Variants in EXOC1 observed in about 807,000 individuals in gnomAD.
EXOC1 encodes the protein exocyst complex component 1.
A neutral mutation model predicts 107.7 loss-of-function variants in EXOC1; 67 were observed. The observed-to-expected ratio is 0.62, with a 90% confidence interval of 0.51 to 0.76. The LOEUF (loss-of-function observed/expected upper bound fraction) is 0.76, where lower values mean the gene tolerates loss of function less well. Among genes scored for constraint, EXOC1 ranks in the 30% least tolerant of loss-of-function variants. The probability of loss-of-function intolerance (pLI) is 0.00; values close to 1 mark genes in which losing one functional copy is unlikely to be tolerated. For missense variants in EXOC1, 833 were observed against 1,055.7 expected, an observed-to-expected ratio of 0.79 and a Z score of 2.92; for synonymous variants, 348 against 353.5, an observed-to-expected ratio of 0.98 and a Z score of 0.17.
At chr4:55,888,779 C>A in intron 10 of EXOC1, 109 bp from the exon 11 acceptor site, 2 of 1,058,456 alleles carry the variant, frequency 1.9e-6, no homozygotes, top group Non-Finnish European at 2.9e-6. Flanking sequence ...TGGTTCTTTG[C>A]ATGTGTCTTT....
At chr4:55,862,592 G>C (rs1307184856) in intron 3 of EXOC1, among the ~76,000 whole-genome samples, 2 of 151,946 alleles carry the variant, frequency 1.3e-5, no homozygotes, top group Non-Finnish European at 1.5e-5. Context: ...TGTATATGCA[G>C]GTTTTAAATT....
At chr4:55,884,899 A>T (rs989733764) in intron 10 of EXOC1, among the ~76,000 whole-genome samples, 1 of 152,144 alleles carries the variant, frequency 6.6e-6, no homozygotes, top group African/African-American at 2.4e-5. Context: ...CACTGTTTTT[A>T]AAAAAATGCA....
Position 55,895,915 on chromosome 4 carries a change from A to G in EXOC1, c.1954-802A>G, listed in dbSNP as rs187958628. ...CTGAAAATAGAGAGTTTGTCTATCCAGACAGAAATTTTAGACTGACGAAAA... is the reference window on the plus strand; with the variant it reads ...CTGAAAATAGAGAGTTTGTCTATCCGGACAGAAATTTTAGACTGACGAAAA... On this transcript the variant is annotated intron_variant, in intron 15 of 18. Transcript: ENST00000381295. Among the ~76,000 whole-genome samples, 8 of 152,304 alleles carry G rather than the reference A, an allele frequency of 5.3e-5. No individual in the cohort carries two copies. In the East Asian group the frequency reaches 1.5e-3, roughly 29 times the overall value.
At chr4:55,879,026 A>T (rs965007078) in intron 9 of EXOC1, among the ~76,000 whole-genome samples, 1 of 152,238 alleles carries the variant, frequency 6.6e-6, no homozygotes, top group Non-Finnish European at 1.5e-5. Context: ...GAACAGGTTG[A>T]TGCCAAACTT....
At chr4:55,864,156 A>G (rs989870361) in intron 3 of EXOC1, 71 bp from the exon 4 acceptor site, 8 of 997,366 alleles carry the variant, frequency 8.0e-6, no homozygotes, top group Non-Finnish European at 1.2e-5. Flanking sequence ...GTAAATGCCT[A>G]TGCAGATTTT....
intron 14 of EXOC1, among the ~76,000 whole-genome samples, chr4:55,893,100 C>T (rs941726460): frequency 2.0e-5 from 3 of 152,028 alleles, no homozygotes; most frequent in Non-Finnish European, 2.9e-5. Flanking sequence ...CATATTTAGA[C>T]ATTTTTATTT....
Position 55,886,552 on chromosome 4 carries a change from C to CAAAAAACAAAAAAACA in EXOC1, c.1331-2321_1331-2306dup, listed in dbSNP as rs774957758. 4.2e-5 allele frequency among the ~76,000 whole-genome samples: 5 copies of CAAAAAACAAAAAAACA among 117,816 alleles called. No homozygotes were observed. The East Asian group carries it at 1.1e-3, about 27-fold the overall frequency. 77.3% of individuals were successfully genotyped at this position (117,816 alleles called of 152,430 possible). Reference sequence around the variant, plus strand: ...TGGACAACAGAGCAAGACCCTGTCTCAAAAAACAAAAAAACAAAAAAACAA... The same window carrying CAAAAAACAAAAAAACA: ...TGGACAACAGAGCAAGACCCTGTCTCAAAAAACAAAAAAACAAAAAAACAAAAAAACAAAAAAACAA... On this transcript the variant is annotated intron_variant, in intron 10 of 18. Transcript: ENST00000381295.
At chr4:55,884,486 G>C (rs956497452) in intron 10 of EXOC1, among the ~76,000 whole-genome samples, 8 of 152,184 alleles carry the variant, frequency 5.3e-5, no homozygotes, top group African/African-American at 1.9e-4. Flanking sequence ...TTTTTCTAAA[G>C]AGATGCTTTG....
chr4:55,883,855 AAG>A lies in EXOC1; in HGVS notation c.1261_1262del (p.Glu421AsnfsTer6). 6.2e-7 allele frequency: 1 copy of A among 1,603,680 alleles called. No individual in the cohort carries two copies. Among genetic ancestry groups the A allele is most frequent in the Non-Finnish European group, 8.5e-7 (1 of 1,175,998 alleles). On this transcript the variant is annotated frameshift_variant, in exon 10 of 19. Coordinates refer to ENST00000381295, the MANE Select transcript of EXOC1 (RefSeq NM_001024924.2). LOFTEE classifies it high-confidence loss of function. Reference protein sequence around the residue: ...YMDYLSRLYEREIKDFFEVAK... With the variant: ...YMDYLSRLYEXEIKDFFEVAK... ...TGGATTATTTATCCCGACTATATGA[AAG>A]AGAAATCAAAGATTTCTTTGAAGTT...
chr4:55,866,204 G>A (rs1721944568), intron 4 of EXOC1, among the ~76,000 whole-genome samples: 1 of 152,160 alleles, frequency 6.6e-6, no homozygotes, highest in Non-Finnish European at 1.5e-5. Context: ...TGGCAACTTG[G>A]TAGTTTTTAT....
intron 18 of EXOC1, among the ~76,000 whole-genome samples, chr4:55,904,134 G>A (rs943622716): frequency 4.6e-5 from 7 of 151,446 alleles, no homozygotes; most frequent in African/African-American, 1.5e-4. Flanking sequence ...TTGGTTTATA[G>A]ATGAGGAACT....
intron 18 of EXOC1, 87 bp downstream of exon 18, chr4:55,902,625 C>G (rs1577799373): frequency 1.8e-6 from 2 of 1,099,872 alleles, no homozygotes; most frequent in East Asian, 6.1e-5. Flanking sequence ...TGCTACAGAT[C>G]TAGAGCAGGA....
rs199658461 is a variant in EXOC1, at chr4:55,886,567, CAAAAAAA to C, written c.1331-2320_1331-2314del. ...GACCCTGTCTCAAAAAACAAAAAAA[CAAAAAAA>C]CAAAAAAAAAAAAAACAAGAAATGT... On this transcript the variant is annotated intron_variant, in intron 10 of 18. Transcript: ENST00000381295. 1.7e-4 allele frequency among the ~76,000 whole-genome samples: 20 copies of C among 119,730 alleles called. No individual in the cohort carries two copies. In the East Asian group the frequency reaches 2.8e-3, roughly 17 times the overall value. 78.5% of individuals were successfully genotyped at this position (119,730 alleles called of 152,430 possible). A position where few individuals can be genotyped will look rare whatever the true frequency, so the allele number is the denominator to read the frequency against.
chr4:55,895,567 G>T lies in EXOC1; in HGVS notation c.1954-1150G>T, dbSNP rs1468592430. Reference sequence around the variant, plus strand: ...AGAGATAATTATTTTTCTAATCCATGTGTCATATGGTTTTTGAGTTATACT... The same window carrying T: ...AGAGATAATTATTTTTCTAATCCATTTGTCATATGGTTTTTGAGTTATACT... On this transcript the variant is annotated intron_variant, in intron 15 of 18. Transcript: ENST00000381295. Among the ~76,000 whole-genome samples, 4 of 152,138 alleles carry T rather than the reference G, an allele frequency of 2.6e-5. No homozygotes were observed. The East Asian group carries it at 7.7e-4, about 29-fold the overall frequency.
At chr4:55,886,671 T>C (rs1031017305) in intron 10 of EXOC1, among the ~76,000 whole-genome samples, 5 of 152,186 alleles carry the variant, frequency 3.3e-5, no homozygotes, top group Non-Finnish European at 1.5e-5. Flanking sequence ...ATGATGACTT[T>C]TCAATGAATG....
chr4:55,868,806 T>C (rs1722179413), intron 5 of EXOC1: 2 of 270,670 alleles, frequency 7.4e-6, no homozygotes, highest in East Asian at 6.4e-5. Flanking sequence ...ATCTTGGGAG[T>C]TGATTCGCTC....
In EXOC1 at chr4:55,896,875, A is replaced by C; in HGVS notation, c.2112A>C (p.Lys704Asn). Reference protein sequence around the residue: ...RRGDLDKAYTKLIRGVFVNVE... With the variant: ...RRGDLDKAYTNLIRGVFVNVE... ...GAGACCTGGATAAAGCATACACCAAACTTATCAGAGGAGTATTTGTTAATG... is the reference window on the plus strand; with the variant it reads ...GAGACCTGGATAAAGCATACACCAACCTTATCAGAGGAGTATTTGTTAATG... Residue 704 changes from lysine to asparagine, a missense_variant, in exon 16 of 19, where the codon AAA (lysine) becomes AAC (asparagine). By Grantham distance (94) the Lys-to-Asn change is moderately conservative (BLOSUM62 0). Coordinates refer to ENST00000381295, the MANE Select transcript of EXOC1 (RefSeq NM_001024924.2). The C allele has an allele frequency of 6.2e-7, 1 of 1,602,040 alleles. No homozygotes were observed. The highest frequency in any genetic ancestry group is 8.5e-7 in the Non-Finnish European group (1 of 1,176,330).
chr4:55,860,687 G>C, intron 3 of EXOC1, 146 bp downstream of exon 3: 1 of 867,864 alleles, frequency 1.2e-6, no homozygotes, highest in South Asian at 2.0e-5. Flanking sequence ...CTATAATTAT[G>C]TTTGTGCACA....
In EXOC1 at chr4:55,877,978, A is replaced by C; in HGVS notation, c.1136A>C (p.His379Pro). 4 of 1,613,848 alleles carry C rather than the reference A, an allele frequency of 2.5e-6. No homozygotes were observed. Among genetic ancestry groups the C allele is most frequent in the Non-Finnish European group, 3.4e-6 (4 of 1,179,886 alleles). Residue 379 changes from histidine (H) to proline (P), a missense_variant, in exon 9 of 19, where the codon CAT becomes CCT. This residue lies in a region of EXOC1 where 617 missense variants were observed against 701.3 expected (regional missense o/e 0.88). Coordinates refer to ENST00000381295, the MANE Select transcript of EXOC1 (RefSeq NM_001024924.2). ...GTTGAACTGACTTTACCCAATCATC[A>C]TCCATTTCATAGAGATTTGCTCCGA... Reference protein sequence around the residue: ...HSVELTLPNHHPFHRDLLRYA... With the variant: ...HSVELTLPNHPPFHRDLLRYA...
Sources: allele counts gnomAD v4.1 joint callset (sites outside exome capture counted in the v4.1 genomes callset), GRCh38; gene constraint gnomAD v4.1.1; regional missense constraint gnomAD v4.1.1; transcripts MANE v1.5; gene names NCBI Gene and HGNC (gene_info 2026-07-23, HGNC 2026-07-21).